CHRNB3: variants seen among roughly 807,000 people sequenced by gnomAD.
The protein encoded by CHRNB3 is cholinergic receptor nicotinic beta 3 subunit, also known as neuronal acetylcholine receptor subunit beta-3.
A neutral mutation model predicts 40.6 loss-of-function variants in CHRNB3; 37 were observed. That is an observed-to-expected ratio of 0.91 (90% CI 0.70 to 1.20). The LOEUF (loss-of-function observed/expected upper bound fraction) is 1.20. CHRNB3 is among the 50% of genes most tolerant of loss of function. The probability of loss-of-function intolerance (pLI) is 0.00; values close to 1 mark genes in which losing one functional copy is unlikely to be tolerated. For missense variants in CHRNB3, 505 were observed against 551.2 expected, an observed-to-expected ratio of 0.92 and a Z score of 0.84; for synonymous variants, 207 against 207.1, an observed-to-expected ratio of 1.00 and a Z score of 0.00.
At chr8:42,709,257 G>A (rs746186453) in intron 2 of CHRNB3, among the ~76,000 whole-genome samples, 29 of 152,148 alleles carry the variant, frequency 1.9e-4, no homozygotes, top group Non-Finnish European at 2.2e-4. Flanking sequence ...AGGGGGCTCT[G>A]CAGGGAGACA....
At chr8:42,711,549 C>T (rs1423477006) in intron 3 of CHRNB3, among the ~76,000 whole-genome samples, 1 of 151,912 alleles carries the variant, frequency 6.6e-6, no homozygotes. Flanking sequence ...TGCCCGCCAC[C>T]ACGCCCAGCT....
intron 3 of CHRNB3, among the ~76,000 whole-genome samples, chr8:42,711,551 C>G (rs933283443): frequency 6.6e-6 from 1 of 151,914 alleles, no homozygotes; most frequent in African/African-American, 2.4e-5. Flanking sequence ...CCCGCCACCA[C>G]GCCCAGCTGA....
chr8:42,722,722 G>C (rs1451643929), intron 3 of CHRNB3, among the ~76,000 whole-genome samples: 1 of 152,008 alleles, frequency 6.6e-6, no homozygotes, highest in Non-Finnish European at 1.5e-5. Flanking sequence ...ACTACACCCA[G>C]CTAATTTTTG....
At chr8:42,726,361 G>A (rs776538412) in intron 3 of CHRNB3, 2 of 469,660 alleles carry the variant, frequency 4.3e-6, no homozygotes, top group East Asian at 3.6e-5. Context: ...AAAATCTACA[G>A]AAAAGATCCC....
intron 3 of CHRNB3, among the ~76,000 whole-genome samples, chr8:42,723,920 T>C (rs1053216778): frequency 6.6e-6 from 1 of 151,926 alleles, no homozygotes; most frequent in African/African-American, 2.4e-5. Context: ...ACCCCGTCTC[T>C]ATTAAAAATA....
At chr8:42,714,367 T>C (rs2128906213) in intron 3 of CHRNB3, among the ~76,000 whole-genome samples, 1 of 151,942 alleles carries the variant, frequency 6.6e-6, no homozygotes, top group African/African-American at 2.4e-5. Flanking sequence ...CCAGGCGTGG[T>C]GGTGGGCACC....
At chr8:42,711,612 C>G (rs1047630356) in intron 3 of CHRNB3, among the ~76,000 whole-genome samples, 7 of 152,056 alleles carry the variant, frequency 4.6e-5, no homozygotes, top group African/African-American at 1.4e-4. Flanking sequence ...CCAGGCTGGC[C>G]TCAAACTCCT....
At chr8:42,712,651 G>A (rs1816035982) in intron 3 of CHRNB3, among the ~76,000 whole-genome samples, 1 of 152,120 alleles carries the variant, frequency 6.6e-6, no homozygotes, top group African/African-American at 2.4e-5. Flanking sequence ...ATTCCCCAGT[G>A]ACTTACCCAC....
intron 5 of CHRNB3, among the ~76,000 whole-genome samples, chr8:42,735,159 G>T (rs1349906538): frequency 6.6e-6 from 1 of 152,030 alleles, no homozygotes; most frequent in African/African-American, 2.4e-5. Flanking sequence ...GACGGAGCTT[G>T]CAGTGAGCCA....
chr8:42,701,361 T>C (rs1815794788), intron 1 of CHRNB3, among the ~76,000 whole-genome samples: 1 of 151,584 alleles, frequency 6.6e-6, no homozygotes, highest in African/African-American at 2.4e-5. Context: ...GACAACATAG[T>C]GAGAGACATA....
chr8:42,706,770 A>T lies in CHRNB3; in HGVS notation c.53-1947A>T, dbSNP rs574180843. 4.0e-5 allele frequency among the ~76,000 whole-genome samples: 6 copies of T among 151,810 alleles called. 1 individual carries two copies. Among genetic ancestry groups the T allele is most frequent in the African/African-American group, 1.4e-4 (6 of 41,410 alleles). ...GATCAGTTTTTGTTTATTAAAAAAA[A>T]TTTTTTTTGAGACAGGGTCTTGCTC... On this transcript the variant is annotated intron_variant, in intron 1 of 5. Transcript: ENST00000289957.
chr8:42,727,138 C>T (rs1271731251), intron 3 of CHRNB3, among the ~76,000 whole-genome samples: 1 of 152,026 alleles, frequency 6.6e-6, no homozygotes, highest in Admixed American at 6.6e-5. Flanking sequence ...TTTGGGAGGC[C>T]AAGGTGGCTG....
Position 42,722,396 on chromosome 8 carries a change from C to A in CHRNB3, c.250-8198C>A, listed in dbSNP as rs550575348. Among the ~76,000 whole-genome samples the A allele has an allele frequency of 3.3e-5, 5 of 152,030 alleles. No individual in the cohort carries two copies. In the South Asian group the frequency reaches 8.3e-4, roughly 25 times the overall value. On this transcript the variant is annotated intron_variant, in intron 3 of 5. Coordinates refer to ENST00000289957, the MANE Select transcript of CHRNB3 (RefSeq NM_000749.5). The stretch of plus-strand genomic sequence containing the variant: ...AAAAAAGAAAAGAAAAAAAAAAGAT[C>A]TCTTGGTGTGCCCCTCCTTCCCGTG...
At position 42,730,687 on chromosome 8, in the gene CHRNB3, A is replaced by T; in HGVS notation, c.343A>T (p.Ile115Leu). ...VPSESLWLPD[I>L]VLFENADGRF... is the part of the protein sequence containing the mutation. ...ATCAGAATCTCTGTGGCTTCCTGAC[A>T]TAGTTCTCTTTGAAAAGTAAGTATC... The change falls in exon 4 of 6, where the codon ATA (isoleucine) becomes TTA (leucine). Residue 115 changes from isoleucine to leucine, a missense_variant. Transcript: ENST00000289957. 6.3e-7 allele frequency: 1 copy of T among 1,595,876 alleles called. No individual in the cohort carries two copies. Among genetic ancestry groups the T allele is most frequent in the Non-Finnish European group, 8.6e-7 (1 of 1,166,740 alleles).
chr8:42,732,633 T>C, intron 5 of CHRNB3, 84 bp downstream of exon 5: 4 of 1,305,198 alleles, frequency 3.1e-6, no homozygotes, highest in Non-Finnish European at 4.1e-6. Flanking sequence ...AATAAAATAT[T>C]GTCATGGTTT....
chr8:42,732,476 CTT>C lies in CHRNB3; in HGVS notation c.1174_1175del (p.Leu392GlyfsTer5). 6.2e-7 allele frequency: 1 copy of C among 1,611,158 alleles called. No individual in the cohort carries two copies. The highest frequency in any genetic ancestry group is 2.2e-5 in the East Asian group (1 of 44,874). Reference sequence around the variant, plus strand: ...AGTGATGGAGAAAAAGTTCTAGTTGCTTTTTTGGAAAAAGCTGCTGATTCCAT... The same window carrying C: ...AGTGATGGAGAAAAAGTTCTAGTTGCTTTTGGAAAAAGCTGCTGATTCCAT... On this transcript the variant is annotated frameshift_variant, in exon 5 of 6. Coordinates refer to ENST00000289957, the MANE Select transcript of CHRNB3 (RefSeq NM_000749.5). LOFTEE classifies it high-confidence loss of function.
At position 42,710,412 on chromosome 8, in the gene CHRNB3, C is replaced by A; in HGVS notation, c.227C>A (p.Thr76Lys). The A allele has an allele frequency of 6.2e-7, 1 of 1,610,710 alleles. No homozygotes were observed. Among genetic ancestry groups the A allele is most frequent in the Non-Finnish European group, 8.5e-7 (1 of 1,178,056 alleles). The change falls in exon 3 of 6, where the codon ACA (threonine) becomes AAA (lysine). Residue 76 changes from threonine (T) to lysine (K), a missense_variant. Thr to Lys is a moderately conservative substitution (Grantham distance 78). Coordinates refer to ENST00000289957, the MANE Select transcript of CHRNB3 (RefSeq NM_000749.5). ...TAGGATGAAAAGAATCAGCTGATGACAACCAATGTGTGGCTCAAACAGGTA... is the reference window on the plus strand; with the variant it reads ...TAGGATGAAAAGAATCAGCTGATGAAAACCAATGTGTGGCTCAAACAGGTA... ...VDVDEKNQLM[T>K]TNVWLKQEWT...
In CHRNB3 at chr8:42,708,798, G is replaced by A. The variant is rs755411549; in HGVS notation, c.134G>A (p.Arg45His). Reference protein sequence around the residue: ...HLFQGYQKWVRPVLHSNDTIK... With the variant: ...HLFQGYQKWVHPVLHSNDTIK... ...TTCCAAGGTTATCAGAAATGGGTCC[G>A]CCCTGTATTACATTCTAATGACACC... Residue 45 changes from arginine (R) to histidine (H), a missense_variant, in exon 2 of 6, where the codon CGC becomes CAC. By Grantham distance (29) the Arg-to-His change is conservative. Coordinates refer to ENST00000289957, the MANE Select transcript of CHRNB3 (RefSeq NM_000749.5). 53 of 1,613,880 alleles carry A rather than the reference G, an allele frequency of 3.3e-5. No homozygotes were observed. Among genetic ancestry groups the A allele is most frequent in the South Asian group, 7.7e-5 (7 of 91,070 alleles).
intron 5 of CHRNB3, 148 bp from the exon 6 acceptor site, chr8:42,736,336 G>T: frequency 1.1e-6 from 1 of 924,580 alleles, no homozygotes; most frequent in Non-Finnish European, 1.7e-6. Flanking sequence ...AAGAACCTGA[G>T]CCTGTAGTGT....
Sources: gnomAD v4.1 joint callset for allele counts (sites outside exome capture counted in the v4.1 genomes callset) on GRCh38, gnomAD v4.1.1 for gene constraint, MANE v1.5 for transcripts, NCBI Gene and HGNC (gene_info 2026-07-23, HGNC 2026-07-21) for gene names.